The following COL18A1 variants were observed in gnomAD, a reference collection of about 807,000 sequenced individuals.
The protein encoded by COL18A1 is collagen type XVIII alpha 1 chain, also known as collagen alpha-1(XVIII) chain.
In COL18A1, 133 loss-of-function variants were observed where a neutral mutation model predicts 168.0. The ratio of observed to expected loss-of-function variants is 0.79; its 90% CI spans 0.69 to 0.91. The LOEUF (loss-of-function observed/expected upper bound fraction) is 0.91. Ranked by LOEUF, COL18A1 falls within the 40% of genes least tolerant of loss-of-function variation. COL18A1 has a pLI of 0.00. For missense variants in COL18A1, 2,126 were observed against 1,925.4 expected (o/e 1.10, Z -1.95); for synonymous variants, 949 against 809.0 (o/e 1.17, Z -2.94).
chr21:45,486,138 C>T (rs1365596593), intron 15 of COL18A1, among the ~76,000 whole-genome samples: 2 of 152,202 alleles, frequency 1.3e-5, no homozygotes, highest in South Asian at 2.1e-4. Flanking sequence ...CACATGCCTC[C>T]GGGCTCGCCT....
intron 41 of COL18A1, 87 bp downstream of exon 41, chr21:45,511,313 A>G (rs2037596121): frequency 2.7e-6 from 2 of 738,212 alleles, no homozygotes; most frequent in Non-Finnish European, 4.9e-6. Context: ...TTTCCCCCCG[A>G]GTTTTTGGAC....
chr21:45,481,270 C>G (rs1318641491), intron 13 of COL18A1, among the ~76,000 whole-genome samples: 1 of 152,186 alleles, frequency 6.6e-6, no homozygotes, highest in Non-Finnish European at 1.5e-5. Context: ...CCACGGCAGG[C>G]TCCCCACCAG....
At chr21:45,491,831 C>T (rs2036364591) in intron 22 of COL18A1, among the ~76,000 whole-genome samples, 1 of 152,236 alleles carries the variant, frequency 6.6e-6, no homozygotes. Flanking sequence ...CGCCCAGCCA[C>T]ATGGAACACA....
At chr21:45,475,981 G>C (rs941748591) in intron 5 of COL18A1, among the ~76,000 whole-genome samples, 1 of 152,244 alleles carries the variant, frequency 6.6e-6, no homozygotes. Flanking sequence ...GGCGGGGAGT[G>C]GGGAGGCCCC....
chr21:45,507,936 A>G (rs1000926384), intron 38 of COL18A1, among the ~76,000 whole-genome samples: 1 of 152,230 alleles, frequency 6.6e-6, no homozygotes, highest in East Asian at 1.9e-4. Flanking sequence ...CCAAAGTGCC[A>G]GACACAAGAA....
intron 2 of COL18A1, among the ~76,000 whole-genome samples, chr21:45,414,397 C>A (rs572154770): frequency 6.6e-6 from 1 of 152,328 alleles, no homozygotes; most frequent in African/African-American, 2.4e-5. Context: ...GGCTCCAGTC[C>A]GACCTACTCA....
rs144637669 is a variant in COL18A1, at chr21:45,461,826, C to T, written c.107-6416C>T. 1.1e-3 allele frequency among the ~76,000 whole-genome samples: 162 copies of T among 152,352 alleles called. 2 individuals are homozygous for T. In the East Asian group the frequency reaches 0.028, roughly 27 times the overall value. On this transcript the variant is annotated intron_variant, in intron 2 of 41. Coordinates refer to ENST00000651438, the MANE Select transcript of COL18A1 (RefSeq NM_001379500.1). Reference sequence around the variant, plus strand: ...TTACAAACTGTTGTTGCAATACCAGCTTTTATAATTGCCCATGTATTTACC... The same window carrying T: ...TTACAAACTGTTGTTGCAATACCAGTTTTTATAATTGCCCATGTATTTACC...
At chr21:45,511,554 G>A (rs543847652) in intron 41 of COL18A1, among the ~76,000 whole-genome samples, 10 of 152,206 alleles carry the variant, frequency 6.6e-5, no homozygotes, top group East Asian at 1.9e-4. Flanking sequence ...TTTATTCACC[G>A]AGAATAAACT....
intron 15 of COL18A1, 81 bp downstream of exon 15, chr21:45,482,902 C>T (rs1276949934): frequency 7.5e-6 from 12 of 1,605,614 alleles, no homozygotes; most frequent in Non-Finnish European, 1.0e-5. Flanking sequence ...GGGTGGCAGC[C>T]CCACGGTCGA....
In COL18A1 at chr21:45,405,452, C is replaced by A; in HGVS notation, c.85C>A (p.Arg29Ser). 1 of 1,380,186 alleles carries A rather than the reference C, an allele frequency of 7.2e-7. No homozygotes were observed. The highest frequency in any genetic ancestry group is 9.4e-7 in the Non-Finnish European group (1 of 1,059,074). 85.5% of individuals were successfully genotyped at this position (1,380,186 alleles called of 1,614,324 possible). A position where few individuals can be genotyped will look rare whatever the true frequency, so the allele number is the denominator to read the frequency against. The change falls in exon 2 of 42, where the codon CGC becomes AGC. Residue 29 changes from arginine to serine, a missense_variant. Arg to Ser is a moderately radical substitution (Grantham distance 110). Coordinates refer to ENST00000651438, the MANE Select transcript of COL18A1 (RefSeq NM_001379500.1). ...GCCCCTGGTCCTGCTGCTCGGGGTC[C>A]GCGCGGCCTCCGCGGAGCCAGGTAA... The part of the protein sequence containing the change: ...LAPLVLLLGV[R>S]AASAEPERIS...
chr21:45,484,326 CACAT>C (rs1195112323), intron 15 of COL18A1, among the ~76,000 whole-genome samples: 1 of 150,024 alleles, frequency 6.7e-6, no homozygotes, highest in Non-Finnish European at 1.5e-5. Context: ...TACATGCACA[CACAT>C]GCACACACAC....
intron 2 of COL18A1, among the ~76,000 whole-genome samples, chr21:45,447,973 G>A (rs750429310): frequency 2.0e-5 from 3 of 152,154 alleles, no homozygotes; most frequent in Non-Finnish European, 4.4e-5. Flanking sequence ...GGAGTAACAA[G>A]GCTTTGAAGG....
intron 33 of COL18A1, 86 bp from the exon 34 acceptor site, chr21:45,504,330 G>A: frequency 7.1e-7 from 1 of 1,405,018 alleles, no homozygotes; most frequent in Non-Finnish European, 9.8e-7. Context: ...GCTTCTGACT[G>A]CCCAGCCCTG....
Position 45,509,486 on chromosome 21 carries a change from G to T in COL18A1, c.3380G>T (p.Arg1127Leu), listed in dbSNP as rs370102608. 1 of 1,523,474 alleles carries T rather than the reference G, an allele frequency of 6.6e-7. No individual in the cohort carries two copies. The allele number at this position is 1,523,474 out of a possible 1,614,324, so 94.4% of individuals were successfully genotyped here. The part of the protein sequence containing the change: ...RADDILASPP[R>L]LPEPQPYPGA... ...GATGACATCCTGGCCAGCCCCCCTC[G>T]CCTGCCCGAGCCCCAGCCCTACCCC... Residue 1127 changes from arginine (R) to leucine (L), a missense_variant, in exon 39 of 42, where the codon CGC becomes CTC. Coordinates refer to ENST00000651438, the MANE Select transcript of COL18A1 (RefSeq NM_001379500.1).
intron 2 of COL18A1, among the ~76,000 whole-genome samples, chr21:45,410,993 C>T (rs971764061): frequency 7.9e-5 from 12 of 152,242 alleles, no homozygotes; most frequent in Non-Finnish European, 1.2e-4. Context: ...GAGAGACCTT[C>T]CTTCCATGTT....
intron 2 of COL18A1, among the ~76,000 whole-genome samples, chr21:45,405,730 C>G (rs1490296113): frequency 1.3e-5 from 2 of 150,582 alleles, no homozygotes. Flanking sequence ...GCGCGGGGAC[C>G]GAACCTCCGC....
intron 25 of COL18A1, 101 bp from the exon 26 acceptor site, chr21:45,493,400 C>A: frequency 7.7e-7 from 1 of 1,305,612 alleles, no homozygotes; most frequent in Non-Finnish European, 1.1e-6. Context: ...AAGGACCCAG[C>A]CTGCGAGGCC....
chr21:45,426,043 TCA>T (rs761373131), intron 2 of COL18A1, among the ~76,000 whole-genome samples: 108 of 152,274 alleles, frequency 7.1e-4, no homozygotes, highest in Non-Finnish European at 1.1e-3. Flanking sequence ...CCCCACCTTT[TCA>T]CAGTTGCCTG....
At chr21:45,436,636 A>G (rs945388960) in intron 2 of COL18A1, among the ~76,000 whole-genome samples, 2 of 151,220 alleles carry the variant, frequency 1.3e-5, no homozygotes, top group Admixed American at 6.6e-5. Flanking sequence ...GCAGCCCTGG[A>G]ACTGTGGCTG....
Sources: gnomAD v4.1 joint callset for allele counts (sites outside exome capture counted in the v4.1 genomes callset) on GRCh38, gnomAD v4.1.1 for gene constraint, MANE v1.5 for transcripts, NCBI Gene and HGNC (gene_info 2026-07-23, HGNC 2026-07-21) for gene names.